Variants in SLAIN2 observed in about 807,000 individuals in gnomAD.
SLAIN2 encodes SLAIN motif-containing protein 2.
A neutral mutation model predicts 56.6 loss-of-function variants in SLAIN2; 31 were observed. The observed-to-expected ratio is 0.55, with a 90% CI of 0.41 to 0.74. The LOEUF (loss-of-function observed/expected upper bound fraction) is 0.74. SLAIN2 is among the 30% of genes least tolerant of loss of function. The pLI, the probability that SLAIN2 is intolerant of heterozygous loss-of-function variation, is 0.00. For synonymous variants in SLAIN2, 317 were observed against 284.9 expected (o/e 1.11, Z -1.13); for missense variants, 777 against 754.2 (o/e 1.03, Z -0.35).
chr4:48,391,773 A>G (rs1038508304), intron 6 of SLAIN2, among the ~76,000 whole-genome samples: 2 of 152,244 alleles, frequency 1.3e-5, no homozygotes, highest in African/African-American at 4.8e-5. Flanking sequence ...GATAGATTTA[A>G]GAAATGACCA....
At chr4:48,419,253 C>T (rs1044352431) in intron 6 of SLAIN2, among the ~76,000 whole-genome samples, 2 of 152,024 alleles carry the variant, frequency 1.3e-5, no homozygotes, top group African/African-American at 4.8e-5. Context: ...CAAGCATGCA[C>T]CACCACCCCC....
intron 6 of SLAIN2, among the ~76,000 whole-genome samples, chr4:48,411,615 T>C (rs1716850286): frequency 6.8e-6 from 1 of 146,644 alleles, no homozygotes; most frequent in Non-Finnish European, 1.5e-5. Flanking sequence ...TTTTTTTTTT[T>C]CCTTAGCATG....
At position 48,342,091 on chromosome 4, in the gene SLAIN2, G is replaced by A. The variant is rs1239890216; in HGVS notation, c.352G>A (p.Glu118Lys). 7.3e-7 allele frequency: 1 copy of A among 1,366,682 alleles called. No homozygotes were observed. Among genetic ancestry groups the A allele is most frequent in the Non-Finnish European group, 9.4e-7 (1 of 1,066,946 alleles). 84.7% of individuals were successfully genotyped at this position (1,366,682 alleles called of 1,614,324 possible). ...EVEPLRPDEL[E>K]RLSGWEEEEE... Reference sequence around the variant, plus strand: ...GGAGCCGCTGCGGCCCGACGAGCTGGAGCGCCTGTCAGGCTGGGAGGAGGA... The same window carrying A: ...GGAGCCGCTGCGGCCCGACGAGCTGAAGCGCCTGTCAGGCTGGGAGGAGGA... Residue 118 changes from glutamate to lysine, a missense_variant, in exon 1 of 8, where the codon GAG (glutamate) becomes AAG (lysine). Coordinates refer to ENST00000264313, the MANE Select transcript of SLAIN2 (RefSeq NM_020846.2).
chr4:48,410,094 C>T (rs1310198590), intron 6 of SLAIN2, among the ~76,000 whole-genome samples: 2 of 152,158 alleles, frequency 1.3e-5, no homozygotes, highest in African/African-American at 4.8e-5. Context: ...TCCAGTTTCT[C>T]CATCTCCTCA....
At chr4:48,350,637 C>T (rs572970981) in intron 1 of SLAIN2, among the ~76,000 whole-genome samples, 3 of 152,132 alleles carry the variant, frequency 2.0e-5, no homozygotes, top group South Asian at 4.1e-4. Flanking sequence ...GTTCTTATTT[C>T]ACCTCTTTCA....
chr4:48,370,014 G>A lies in SLAIN2; in HGVS notation c.538+17G>A. The A allele has an allele frequency of 6.2e-7, 1 of 1,607,286 alleles. No homozygotes were observed. Among genetic ancestry groups the A allele is most frequent in the Non-Finnish European group, 8.5e-7 (1 of 1,176,468 alleles). The stretch of plus-strand genomic sequence containing the variant: ...CTATGTCAGGTATGTCTATAATTTT[G>A]CTTGTAAATTCATCTCTTTGCTTTC... On this transcript the variant is annotated intron_variant, in intron 2 of 7. Transcript: ENST00000264313.
At chr4:48,358,903 T>C (rs1715241811) in intron 1 of SLAIN2, among the ~76,000 whole-genome samples, 1 of 151,674 alleles carries the variant, frequency 6.6e-6, no homozygotes, top group Non-Finnish European at 1.5e-5. Flanking sequence ...GTATTTTTAC[T>C]AGAGATGGAT....
chr4:48,410,751 C>T lies in SLAIN2; in HGVS notation c.1361-9374C>T, dbSNP rs188439239. ...TGTAAACCTGGAACTCAAGAATGAC[C>T]TGCTTATCTGTGGACCCCTGCATGC... On this transcript the variant is annotated intron_variant, in intron 6 of 7. Transcript: ENST00000264313. Among the ~76,000 whole-genome samples the T allele has an allele frequency of 4.1e-4, 62 of 152,294 alleles. 1 individual carries two copies. The highest frequency in any genetic ancestry group is 8.8e-5 in the Non-Finnish European group (6 of 68,030).
Position 48,341,800 on chromosome 4 carries a change from G to T in SLAIN2, c.61G>T (p.Val21Leu). Residue 21 changes from valine (V) to leucine (L), a missense_variant, in exon 1 of 8, where the codon GTG becomes TTG. Transcript: ENST00000264313. ...DQEVRKLQEL[V>L]KKLEKQNEQL... ...GGAGGTGCGGAAGCTGCAGGAGCTG[G>T]TGAAGAAGCTGGAGAAGCAGAACGA... 6.5e-7 allele frequency: 1 copy of T among 1,533,948 alleles called. No individual in the cohort carries two copies. The highest frequency in any genetic ancestry group is 1.2e-5 in the South Asian group (1 of 82,358).
intron 1 of SLAIN2, among the ~76,000 whole-genome samples, chr4:48,352,783 C>A (rs1166964581): frequency 1.3e-5 from 2 of 152,116 alleles, no homozygotes; most frequent in African/African-American, 2.4e-5. Flanking sequence ...TTTTCTAAGT[C>A]AAAAATAGTG....
At position 48,423,589 on chromosome 4, in the gene SLAIN2, G is replaced by A. The variant is rs1404928836; in HGVS notation, c.*1512G>A. 1 of 152,124 alleles carries A rather than the reference G, an allele frequency of 6.6e-6. No individual in the cohort carries two copies. The highest frequency in any genetic ancestry group is 1.9e-4 in the East Asian group (1 of 5,188). 9.4% of individuals were successfully genotyped at this position (152,124 alleles called of 1,614,324 possible). A position where few individuals can be genotyped will look rare whatever the true frequency, so the allele number is the denominator to read the frequency against. ...AGAGAAATAGAAGGCTTGATATTCT[G>A]GACAGCATTAAGGTTGATAGGTTGA... On this transcript the variant is annotated 3_prime_UTR_variant, in exon 8 of 8. Transcript: ENST00000264313.
At chr4:48,362,586 ATT>A (rs768696698) in intron 1 of SLAIN2, among the ~76,000 whole-genome samples, 9 of 138,512 alleles carry the variant, frequency 6.5e-5, no homozygotes, top group Non-Finnish European at 6.3e-5. Context: ...GCCCGGCTAC[ATT>A]TTTTTTTTTT....
At chr4:48,349,597 T>C (rs768561409) in intron 1 of SLAIN2, among the ~76,000 whole-genome samples, 27 of 152,366 alleles carry the variant, frequency 1.8e-4, no homozygotes, top group Middle Eastern at 3.4e-3. Flanking sequence ...TAAACTTCTT[T>C]GTACTTTTTG....
intron 6 of SLAIN2, among the ~76,000 whole-genome samples, chr4:48,402,378 A>G (rs184142873): frequency 3.3e-5 from 5 of 152,236 alleles, no homozygotes; most frequent in Admixed American, 3.3e-4. Context: ...ATGCATTCCA[A>G]CTTGATTCTG....
intron 6 of SLAIN2, among the ~76,000 whole-genome samples, chr4:48,413,808 C>T (rs1716928106): frequency 1.3e-5 from 2 of 152,090 alleles, no homozygotes; most frequent in South Asian, 4.1e-4. Flanking sequence ...GAAGACTGCT[C>T]TGTGAAGACA....
intron 2 of SLAIN2, among the ~76,000 whole-genome samples, chr4:48,372,148 T>G (rs1715687581): frequency 6.6e-6 from 1 of 152,022 alleles, no homozygotes; most frequent in Non-Finnish European, 1.5e-5. Flanking sequence ...AATTAGGAAT[T>G]TTCATCATTG....
At chr4:48,396,794 A>G (rs561795046) in intron 6 of SLAIN2, among the ~76,000 whole-genome samples, 1 of 152,320 alleles carries the variant, frequency 6.6e-6, no homozygotes, top group Non-Finnish European at 1.5e-5. Flanking sequence ...GAGGAAAAAG[A>G]TTACTTAACA....
chr4:48,412,439 G>C (rs1260877269), intron 6 of SLAIN2, among the ~76,000 whole-genome samples: 1 of 147,174 alleles, frequency 6.8e-6, no homozygotes, highest in Non-Finnish European at 1.5e-5. Context: ...CTCTCTCTCT[G>C]TGTCTCAGCT....
At chr4:48,375,808 C>T (rs565760427) in intron 2 of SLAIN2, among the ~76,000 whole-genome samples, 4 of 152,286 alleles carry the variant, frequency 2.6e-5, no homozygotes, top group East Asian at 1.9e-4. Flanking sequence ...TCTGCATTTC[C>T]GAGACACTGC....
Sources: gnomAD v4.1 joint callset for allele counts (sites outside exome capture counted in the v4.1 genomes callset) on GRCh38, gnomAD v4.1.1 for gene constraint, MANE v1.5 for transcripts, NCBI Gene and HGNC (gene_info 2026-07-23, HGNC 2026-07-21) for gene names.